RFC1: variants seen among roughly 807,000 people sequenced by gnomAD.
RFC1 encodes the protein A1 140 kDa subunit.
A neutral mutation model predicts 137.4 loss-of-function variants in RFC1; 37 were observed. The observed-to-expected ratio is 0.27, with a 90% CI of 0.21 to 0.35. The LOEUF (loss-of-function observed/expected upper bound fraction) is 0.35. Ranked by LOEUF, RFC1 falls within the 10% of genes least tolerant of loss-of-function variation. RFC1 has a pLI of 1.00. For synonymous variants in RFC1, 429 were observed against 455.7 expected, an observed-to-expected ratio of 0.94 and a Z score of 0.75; for missense variants, 1,205 against 1,358.5, an observed-to-expected ratio of 0.89 and a Z score of 1.78.
Position 39,291,937 on chromosome 4 carries a change from C to T in RFC1, c.2955-85G>A, listed in dbSNP as rs984931444. 3.1e-6 allele frequency: 3 copies of T among 963,976 alleles called. No individual in the cohort carries two copies. The African/African-American group carries it at 4.8e-5, about 15-fold the overall frequency. 59.7% of individuals were successfully genotyped at this position (963,976 alleles called of 1,614,324 possible). A position where few individuals can be genotyped will look rare whatever the true frequency, so the allele number is the denominator to read the frequency against. On this transcript the variant is annotated intron_variant, in intron 22 of 24. Coordinates refer to ENST00000349703, the MANE Select transcript of RFC1 (RefSeq NM_002913.5). ...GCATAACAGCACTGAGTTAATCAGG[C>T]AGAGTTCAATCCAATTTCAATAATG...
intron 1 of RFC1, among the ~76,000 whole-genome samples, chr4:39,364,896 T>A (rs569285073): frequency 6.6e-6 from 1 of 152,132 alleles, no homozygotes; most frequent in Non-Finnish European, 1.5e-5. Context: ...AACTATAAAT[T>A]AATATATAAA....
At chr4:39,351,732 T>G (rs1741215998) in intron 1 of RFC1, among the ~76,000 whole-genome samples, 1 of 151,998 alleles carries the variant, frequency 6.6e-6, no homozygotes, top group South Asian at 2.1e-4. Context: ...GAGGCCGAGG[T>G]GGGTGGATCA....
In RFC1 at chr4:39,302,305, A is replaced by T. The variant is rs2066782; in HGVS notation, c.2508T>A (p.Ser836=). The T allele has an allele frequency of 6.2e-7, 1 of 1,609,980 alleles. No homozygotes were observed. The highest frequency in any genetic ancestry group is 1.1e-5 in the South Asian group (1 of 90,994). ...ALTYDQAKAD[S]HRAKKDIKMG... is the part of the protein sequence containing the mutation. ...TTTTGATATCCTTTTTGGCTCTGTG[A>T]GAATCAGCTTTGGCCTGGTCATAGG... The change falls in exon 19 of 25, where the codon TCT becomes TCA. Residue 836 remains serine (S), a synonymous_variant. Coordinates refer to ENST00000349703, the MANE Select transcript of RFC1 (RefSeq NM_002913.5).
At chr4:39,337,957 C>G (rs1212098923) in intron 4 of RFC1, among the ~76,000 whole-genome samples, 2 of 152,150 alleles carry the variant, frequency 1.3e-5, no homozygotes, top group African/African-American at 2.4e-5. Flanking sequence ...CAATTCAAGA[C>G]AGGAAAAACC....
chr4:39,313,041 A>C (rs1739048323), intron 10 of RFC1, 110 bp from the exon 11 acceptor site: 1 of 909,228 alleles, frequency 1.1e-6, no homozygotes. Flanking sequence ...CATCATAAAT[A>C]ACCTTGGCAT....
rs1738397612 is a variant in RFC1, at chr4:39,302,282, T to C, written c.2531A>G (p.Lys844Arg). 1 of 1,601,062 alleles carries C rather than the reference T, an allele frequency of 6.2e-7. No individual in the cohort carries two copies. The highest frequency in any genetic ancestry group is 8.6e-7 in the Non-Finnish European group (1 of 1,168,114). ...AGACATGGACATTTATTTTACCATT[T>C]TGATATCCTTTTTGGCTCTGTGAGA... ...ADSHRAKKDI[K>R]MGPFDVARKV... The change falls in exon 19 of 25, where the codon AAA becomes AGA. Residue 844 changes from lysine (K) to arginine (R), a missense_variant. By Grantham distance (26) the Lys-to-Arg change is conservative. Coordinates refer to ENST00000349703, the MANE Select transcript of RFC1 (RefSeq NM_002913.5).
At chr4:39,315,065 C>T (rs1578129329) in intron 10 of RFC1, among the ~76,000 whole-genome samples, 1 of 152,300 alleles carries the variant, frequency 6.6e-6, no homozygotes, top group South Asian at 2.1e-4. Flanking sequence ...ACTTCTTTCT[C>T]CTTCACAGCC....
chr4:39,339,426 T>C (rs1242861142), intron 4 of RFC1, among the ~76,000 whole-genome samples: 1 of 152,236 alleles, frequency 6.6e-6, no homozygotes, highest in Non-Finnish European at 1.5e-5. Flanking sequence ...TACTCTTTGA[T>C]AATAGCCATC....
At chr4:39,365,343 C>A in intron 1 of RFC1, 1 of 372,958 alleles carries the variant, frequency 2.7e-6, no homozygotes, top group Non-Finnish European at 3.7e-6. Context: ...GTCACTGTGA[C>A]ACGTTGACCA....
chr4:39,316,871 G>A (rs776473260), intron 10 of RFC1, 44 bp downstream of exon 10: 22 of 1,183,996 alleles, frequency 1.9e-5, no homozygotes, highest in Middle Eastern at 1.9e-4. Flanking sequence ...GGACCCATAC[G>A]GCAGAGGCCC....
intron 2 of RFC1, among the ~76,000 whole-genome samples, chr4:39,350,437 G>A (rs992291530): frequency 1.2e-4 from 19 of 152,026 alleles, no homozygotes; most frequent in African/African-American, 4.3e-4. Context: ...CCACACTCAG[G>A]TAAGCCATAG....
chr4:39,309,022 T>A lies in RFC1; in HGVS notation c.1499A>T (p.Glu500Val). The change falls in exon 13 of 25, where the codon GAG becomes GTG. Residue 500 changes from glutamate (E) to valine (V), a missense_variant. This residue lies in a region of RFC1 where 962 missense variants were observed against 1,035.3 expected (regional missense o/e 0.93). Coordinates refer to ENST00000349703, the MANE Select transcript of RFC1 (RefSeq NM_002913.5). ...TTGGGGTGTTCTCTCCAGTTTGGAC[T>A]CTTTCTTCATCTTAAGAAGTGGAAA... ...EIAVETEMKK[E>V]SKLERTPQKN... The A allele has an allele frequency of 6.3e-7, 1 of 1,588,918 alleles. No individual in the cohort carries two copies. Among genetic ancestry groups the A allele is most frequent in the South Asian group, 1.2e-5 (1 of 85,824 alleles).
intron 21 of RFC1, among the ~76,000 whole-genome samples, chr4:39,299,805 C>T (rs1738248766): frequency 6.6e-6 from 1 of 152,002 alleles, no homozygotes; most frequent in South Asian, 2.1e-4. Context: ...GTCCCAGCTA[C>T]TCAGGAGGCT....
chr4:39,342,899 G>A (rs1196707957), intron 3 of RFC1, among the ~76,000 whole-genome samples: 1 of 152,178 alleles, frequency 6.6e-6, no homozygotes, highest in Admixed American at 6.5e-5. Flanking sequence ...TCAAGCGAAA[G>A]CCCTCACGTT....
chr4:39,337,435 AGTGT>A (rs71921435), intron 4 of RFC1, among the ~76,000 whole-genome samples: 18,936 of 143,478 alleles, frequency 0.13, 1,263 homozygotes, highest in Middle Eastern at 0.18. Context: ...TACTCAAATA[AGTGT>A]GTGTGTGTGT....
intron 8 of RFC1, 119 bp from the exon 9 acceptor site, chr4:39,320,788 C>T (rs889124068): frequency 4.5e-6 from 4 of 890,986 alleles, no homozygotes; most frequent in African/African-American, 1.8e-5. Context: ...GGCCCAAAGT[C>T]CTAAAGTGTC....
chr4:39,304,915 C>T lies in RFC1; in HGVS notation c.2009G>A (p.Ser670Asn). The T allele has an allele frequency of 6.2e-7, 1 of 1,607,414 alleles. No individual in the cohort carries two copies. Among genetic ancestry groups the T allele is most frequent in the Non-Finnish European group, 8.5e-7 (1 of 1,174,018 alleles). Residue 670 changes from serine to asparagine, a missense_variant, in exon 15 of 25, where the codon AGC becomes AAC. Ser to Asn is a conservative substitution (Grantham distance 46). Around this residue, in one of 3 missense-constraint regions of RFC1, gnomAD observed 962 missense variants for 1,035.3 expected, o/e 0.93. Transcript: ENST00000349703. ...ASLVCQELGY[S>N]YVELNASDTR... ...GTCACTTGCATTCAGTTCCACGTAGCTGTATCCCAACTCCTAATCAAAATA... is the reference window on the plus strand; with the variant it reads ...GTCACTTGCATTCAGTTCCACGTAGTTGTATCCCAACTCCTAATCAAAATA...
chr4:39,302,806 G>A lies in RFC1; in HGVS notation c.2271C>T (p.Pro757=), dbSNP rs1217622902. The change falls in exon 17 of 25, where the codon CCC becomes CCT. Residue 757 remains proline, a synonymous_variant. Coordinates refer to ENST00000349703, the MANE Select transcript of RFC1 (RefSeq NM_002913.5). ...IICMCNDRNH[P]KIRSLVHYCF... is the part of the protein sequence containing the mutation. ...AATAATGAACCAGAGAGCGAATCTT[G>A]GGATGATTTCTATCATTGCACATAC... 6.2e-7 allele frequency: 1 copy of A among 1,604,480 alleles called. No individual in the cohort carries two copies. Among genetic ancestry groups the A allele is most frequent in the East Asian group, 2.2e-5 (1 of 44,830 alleles).
At chr4:39,359,070 C>A (rs1194180128) in intron 1 of RFC1, among the ~76,000 whole-genome samples, 5 of 152,176 alleles carry the variant, frequency 3.3e-5, no homozygotes, top group Non-Finnish European at 1.5e-5. Context: ...TATTCCCCAT[C>A]TCCATGCATA....
Sources: gnomAD v4.1 joint callset for allele counts (sites outside exome capture counted in the v4.1 genomes callset) on GRCh38, gnomAD v4.1.1 for gene constraint, gnomAD v4.1.1 regional missense constraint, MANE v1.5 for transcripts, NCBI Gene and HGNC (gene_info 2026-07-23, HGNC 2026-07-21) for gene names.